Variants in ELAPOR1 observed in about 807,000 individuals in gnomAD.
ELAPOR1 encodes the protein endosome/lysosome-associated apoptosis and autophagy regulator 1.
In ELAPOR1, 77 loss-of-function variants were observed where a neutral mutation model predicts 119.7. The ratio of observed to expected loss-of-function variants is 0.64; its 90% confidence interval spans 0.54 to 0.78. The LOEUF (loss-of-function observed/expected upper bound fraction) is 0.78, where lower values mean the gene tolerates loss of function less well. ELAPOR1 is among the 30% of genes least tolerant of loss of function. The pLI, the probability that ELAPOR1 is intolerant of heterozygous loss-of-function variation, is 0.00. For missense variants in ELAPOR1, 1,115 were observed against 1,270.4 expected (o/e 0.88, Z 1.86); for synonymous variants, 481 against 487.2 (o/e 0.99, Z 0.17).
At chr1:109,179,364 A>G (rs903154800) in intron 7 of ELAPOR1, among the ~76,000 whole-genome samples, 2 of 147,240 alleles carry the variant, frequency 1.4e-5, no homozygotes, top group African/African-American at 5.1e-5. Flanking sequence ...AGCCGAGATC[A>G]TGCCACTGCA....
intron 1 of ELAPOR1, among the ~76,000 whole-genome samples, chr1:109,149,143 C>A (rs1041856999): frequency 6.6e-6 from 1 of 152,006 alleles, no homozygotes; most frequent in African/African-American, 2.4e-5. Flanking sequence ...GAAGAGGGCG[C>A]GTCGGGCAGG....
At chr1:109,140,729 T>C (rs1229718778) in intron 1 of ELAPOR1, among the ~76,000 whole-genome samples, 1 of 152,196 alleles carries the variant, frequency 6.6e-6, no homozygotes, top group African/African-American at 2.4e-5. Context: ...ATATAGCAGT[T>C]TCATTATCAG....
intron 7 of ELAPOR1, among the ~76,000 whole-genome samples, chr1:109,182,808 A>G (rs1298408322): frequency 6.7e-6 from 1 of 150,318 alleles, no homozygotes; most frequent in East Asian, 2.0e-4. Flanking sequence ...CGGAGCTTGC[A>G]GTGAGCCGAG....
At chr1:109,184,200 C>T (rs948067026) in intron 7 of ELAPOR1, among the ~76,000 whole-genome samples, 6 of 152,076 alleles carry the variant, frequency 3.9e-5, no homozygotes, top group African/African-American at 1.2e-4. Flanking sequence ...GGAGAAACTC[C>T]GTCTCTACTA....
At chr1:109,191,323 C>A in intron 11 of ELAPOR1, 43 bp from the exon 12 acceptor site, 1 of 1,412,786 alleles carries the variant, frequency 7.1e-7, no homozygotes, top group Non-Finnish European at 1.0e-6. Flanking sequence ...TCAATAAGCA[C>A]TGCCTGGCCT....
chr1:109,128,682 T>C (rs1285620259), intron 1 of ELAPOR1, among the ~76,000 whole-genome samples: 1 of 152,234 alleles, frequency 6.6e-6, no homozygotes, highest in African/African-American at 2.4e-5. Context: ...TAAAAAAGTA[T>C]TAATTTTTAA....
intron 14 of ELAPOR1, 89 bp from the exon 15 acceptor site, chr1:109,194,332 C>G: frequency 2.4e-6 from 3 of 1,225,998 alleles, no homozygotes; most frequent in Non-Finnish European, 3.5e-6. Context: ...TTGGGCGGGA[C>G]CAGACGGGGG....
intron 1 of ELAPOR1, among the ~76,000 whole-genome samples, chr1:109,143,652 G>A (rs1649968094): frequency 6.6e-6 from 1 of 152,080 alleles, no homozygotes; most frequent in African/African-American, 2.4e-5. Flanking sequence ...GGTAAAATGA[G>A]TTTCAGCTGC....
intron 15 of ELAPOR1, 95 bp downstream of exon 15, chr1:109,194,689 A>C (rs1211163598): frequency 7.5e-6 from 9 of 1,200,920 alleles, no homozygotes; most frequent in Non-Finnish European, 1.1e-5. Flanking sequence ...GAAATCCTTC[A>C]GGTAGCAGGG....
chr1:109,134,633 C>T (rs928037145), intron 1 of ELAPOR1, among the ~76,000 whole-genome samples: 2 of 152,192 alleles, frequency 1.3e-5, no homozygotes, highest in Non-Finnish European at 2.9e-5. Context: ...GGCTGCTGCA[C>T]CTGCTGCTTT....
At chr1:109,135,789 T>A (rs897082470) in intron 1 of ELAPOR1, among the ~76,000 whole-genome samples, 2 of 152,182 alleles carry the variant, frequency 1.3e-5, no homozygotes, top group Admixed American at 1.3e-4. Flanking sequence ...AAATCATATC[T>A]ACTCCATAGA....
chr1:109,115,885 A>C (rs1018921990), intron 1 of ELAPOR1, among the ~76,000 whole-genome samples: 1 of 152,226 alleles, frequency 6.6e-6, no homozygotes, highest in Admixed American at 6.5e-5. Context: ...AGGGAACAGT[A>C]TGATCTTATC....
chr1:109,164,351 C>A, intron 2 of ELAPOR1, 148 bp from the exon 3 acceptor site: 1 of 601,158 alleles, frequency 1.7e-6, no homozygotes, highest in Non-Finnish European at 2.8e-6. Context: ...AAAATCAAAT[C>A]ACACAGTAAA....
At chr1:109,177,335 T>C (rs1208087056) in intron 7 of ELAPOR1, among the ~76,000 whole-genome samples, 1 of 109,844 alleles carries the variant, frequency 9.1e-6, no homozygotes, top group African/African-American at 4.3e-5. Context: ...TCCTCACTTC[T>C]CAGACCGGGC....
rs373016328 is a variant in ELAPOR1, at chr1:109,171,939, G to A, written c.541G>A (p.Val181Ile). Residue 181 changes from valine to isoleucine, a missense_variant, in exon 4 of 22, where the codon GTC (valine) becomes ATC (isoleucine). Coordinates refer to ENST00000369939, the MANE Select transcript of ELAPOR1 (RefSeq NM_020775.5). Reference sequence around the variant, plus strand: ...ATGCACAGCCACACTGATGTACGCCGTCAACCTGAAGCAATCTGGCACCGT... The same window carrying A: ...ATGCACAGCCACACTGATGTACGCCATCAACCTGAAGCAATCTGGCACCGT... ...DECTATLMYAVNLKQSGTVNF... is the reference protein window; with the variant it reads ...DECTATLMYAINLKQSGTVNF... The A allele has an allele frequency of 2.8e-5, 45 of 1,614,188 alleles. No homozygotes were observed. The highest frequency in any genetic ancestry group is 3.3e-4 in the Middle Eastern group (2 of 6,062).
rs1424674946 is a variant in ELAPOR1, at chr1:109,199,843, T to C, written c.2502-11T>C. On this transcript the variant is annotated splice_polypyrimidine_tract_variant and intron_variant, in intron 18 of 21. Transcript: ENST00000369939. The stretch of plus-strand genomic sequence containing the variant: ...CGAGTGAGAGCTCAGGTCTCTTTTC[T>C]GCTTTGCTAGAACGTGCTCGGATGG... 14 of 1,609,708 alleles carry C rather than the reference T, an allele frequency of 8.7e-6. No homozygotes were observed. The highest frequency in any genetic ancestry group is 1.1e-5 in the Non-Finnish European group (13 of 1,179,972).
chr1:109,143,520 A>G (rs1649962179), intron 1 of ELAPOR1, among the ~76,000 whole-genome samples: 1 of 152,226 alleles, frequency 6.6e-6, no homozygotes, highest in Non-Finnish European at 1.5e-5. Context: ...ATATGAAAAT[A>G]TTCTGGGATT....
intron 1 of ELAPOR1, among the ~76,000 whole-genome samples, chr1:109,158,930 T>C (rs1357711423): frequency 1.3e-5 from 2 of 151,966 alleles, no homozygotes; most frequent in East Asian, 3.9e-4. Flanking sequence ...CTTGCTTTTT[T>C]TGCCCAGGCT....
chr1:109,174,937 G>C (rs1297441026), intron 7 of ELAPOR1, among the ~76,000 whole-genome samples: 3 of 151,986 alleles, frequency 2.0e-5, no homozygotes, highest in Non-Finnish European at 4.4e-5. Context: ...GGGTGGTCTC[G>C]ATCTCCTGAC....
Sources: allele counts gnomAD v4.1 joint callset (sites outside exome capture counted in the v4.1 genomes callset), GRCh38; gene constraint gnomAD v4.1.1; transcripts MANE v1.5; gene names NCBI Gene and HGNC (gene_info 2026-07-23, HGNC 2026-07-21).